ANXA6: variants seen among roughly 807,000 people sequenced by gnomAD.
ANXA6 encodes the protein annexin A6, also known as 67 kDa calelectrin.
In ANXA6, 71 loss-of-function variants were observed where a neutral mutation model predicts 95.4. The observed-to-expected ratio is 0.74, with a 90% CI of 0.61 to 0.91. The LOEUF is 0.91. Among genes scored for constraint, ANXA6 ranks in the 40% least tolerant of loss-of-function variants. The pLI, the probability that ANXA6 is intolerant of heterozygous loss-of-function variation, is 0.00. For synonymous variants in ANXA6, 289 were observed against 315.9 expected (o/e 0.91, Z 0.90); for missense variants, 830 against 876.4 (o/e 0.95, Z 0.67).
chr5:151,110,771 G>A (rs1030669574), intron 20 of ANXA6, 127 bp from the exon 21 acceptor site: 11 of 921,362 alleles, frequency 1.2e-5, no homozygotes, highest in Non-Finnish European at 1.7e-5. Flanking sequence ...GAGGTCCCAA[G>A]AGACCTGAGA....
At position 151,147,887 on chromosome 5, in the gene ANXA6, T is replaced by C; in HGVS notation, c.15A>G (p.Ala5=). 6.2e-7 allele frequency: 1 copy of C among 1,604,262 alleles called. No individual in the cohort carries two copies. The highest frequency in any genetic ancestry group is 8.5e-7 in the Non-Finnish European group (1 of 1,175,402). ...TCAGGAAAGAGAGGCCCCTTACCTG[T>C]GCTGGTTTGGCCATGGTCTCCGGTT... is the stretch of plus-strand genomic sequence containing the variant. The part of the protein sequence containing the change: MAKP[A]QGAKYRGSIH... Residue 5 remains alanine, a synonymous_variant, in exon 2 of 26, where the codon GCA becomes GCG. Coordinates refer to ENST00000354546, the MANE Select transcript of ANXA6 (RefSeq NM_001155.5).
intron 17 of ANXA6, among the ~76,000 whole-genome samples, chr5:151,120,799 G>A (rs145623260): frequency 4.2e-4 from 64 of 152,238 alleles, no homozygotes; most frequent in Non-Finnish European, 3.7e-4. Flanking sequence ...TAATGGTCCT[G>A]CCTTCTCAGA....
intron 7 of ANXA6, among the ~76,000 whole-genome samples, chr5:151,135,413 T>C (rs557696098): frequency 2.0e-5 from 3 of 152,180 alleles, no homozygotes; most frequent in Non-Finnish European, 4.4e-5. Flanking sequence ...AGCTGGTTAA[T>C]ATGGGATTGT....
intron 18 of ANXA6, among the ~76,000 whole-genome samples, chr5:151,118,983 G>A (rs1238539667): frequency 1.3e-5 from 2 of 152,162 alleles, no homozygotes; most frequent in Admixed American, 1.3e-4. Flanking sequence ...CAAGTGTGGG[G>A]CCCTTCTGGC....
chr5:151,145,568 G>GA (rs1490352891), intron 2 of ANXA6, among the ~76,000 whole-genome samples: 4 of 152,106 alleles, frequency 2.6e-5, no homozygotes, highest in African/African-American at 9.7e-5. Context: ...AGGAACTGGG[G>GA]GGTGTCTAGG....
At chr5:151,157,362 G>C (rs934813958) in intron 1 of ANXA6, among the ~76,000 whole-genome samples, 10 of 150,586 alleles carry the variant, frequency 6.6e-5, no homozygotes, top group African/African-American at 2.5e-4. Flanking sequence ...CCCAAATTAA[G>C]GCCGGCAGGA....
chr5:151,137,416 C>T (rs1000732128), intron 5 of ANXA6, 95 bp from the exon 6 acceptor site: 3 of 910,918 alleles, frequency 3.3e-6, no homozygotes, highest in Non-Finnish European at 5.0e-6. Flanking sequence ...TATGACACCC[C>T]AGGACTCAGG....
intron 2 of ANXA6, among the ~76,000 whole-genome samples, chr5:151,142,138 G>C (rs747113584): frequency 6.6e-6 from 1 of 152,188 alleles, no homozygotes; most frequent in Non-Finnish European, 1.5e-5. Flanking sequence ...CCAGTCCAGC[G>C]ATATCAAAAA....
At chr5:151,121,382 A>G (rs1054050383) in intron 17 of ANXA6, among the ~76,000 whole-genome samples, 17 of 152,238 alleles carry the variant, frequency 1.1e-4, no homozygotes, top group Non-Finnish European at 2.5e-4. Flanking sequence ...GAGAGTTACC[A>G]TATGCTCTTT....
In ANXA6 at chr5:151,122,912, C is replaced by A. The variant is rs1485287726; in HGVS notation, c.1233+5G>T. ...TGCACAGAGAGCCCAGGAGGAGGTC[C>A]TTACCCGGCCAAAGTGAGACTTGAA... On this transcript the variant is annotated splice_donor_5th_base_variant and intron_variant, in intron 16 of 25. Transcript: ENST00000354546. The A allele has an allele frequency of 3.1e-6, 5 of 1,613,770 alleles. No homozygotes were observed. Among genetic ancestry groups the A allele is most frequent in the Non-Finnish European group, 4.2e-6 (5 of 1,179,714 alleles).
rs1170898297 is a variant in ANXA6 at position 151,126,445 on chromosome 5, A to T, written c.1013T>A (p.Val338Glu). The T allele has an allele frequency of 8.7e-6, 14 of 1,610,916 alleles. No homozygotes were observed. The highest frequency in any genetic ancestry group is 1.3e-5 in the African/African-American group (1 of 74,828). Residue 338 changes from valine to glutamate, a missense_variant, in exon 14 of 26, where the codon GTG (valine) becomes GAG (glutamate). Val to Glu is a moderately radical substitution (Grantham distance 121). Transcript: ENST00000354546. ...ACTAAGTTCCCACATCTGATAGGCCACCTGCGCTGCCTCCGGGAAGAACTG... is the reference window on the plus strand; with the variant it reads ...ACTAAGTTCCCACATCTGATAGGCCTCCTGCGCTGCCTCCGGGAAGAACTG... ...AGQFFPEAAQ[V>E]AYQMWELSAV...
At position 151,147,875 on chromosome 5, in the gene ANXA6, G is replaced by T. The variant is rs765674026; in HGVS notation, c.18+9C>A. 8 of 1,599,892 alleles carry T rather than the reference G, an allele frequency of 5.0e-6. No homozygotes were observed. Among genetic ancestry groups the T allele is most frequent in the Middle Eastern group, 1.7e-4 (1 of 6,042 alleles). On this transcript the variant is annotated intron_variant, in intron 2 of 25. Transcript: ENST00000354546. ...TGAGTACCACCTTCAGGAAAGAGAG[G>T]CCCCTTACCTGTGCTGGTTTGGCCA...
chr5:151,129,749 T>C (rs1216110357), intron 11 of ANXA6, among the ~76,000 whole-genome samples: 1 of 152,018 alleles, frequency 6.6e-6, no homozygotes, highest in African/African-American at 2.4e-5. Context: ...GTCTCACTCT[T>C]GTCCAGGCTG....
At chr5:151,121,859 C>T (rs575409303) in intron 17 of ANXA6, among the ~76,000 whole-genome samples, 1 of 152,106 alleles carries the variant, frequency 6.6e-6, no homozygotes, top group Non-Finnish European at 1.5e-5. Context: ...ACATATGCCA[C>T]CATGAGGAGA....
chr5:151,121,191 C>G (rs1205936007), intron 17 of ANXA6, among the ~76,000 whole-genome samples: 3 of 152,216 alleles, frequency 2.0e-5, no homozygotes, highest in East Asian at 1.9e-4. Context: ...GTTGTCAAGA[C>G]AGGCTCTAGA....
intron 13 of ANXA6, among the ~76,000 whole-genome samples, chr5:151,126,794 G>A (rs1001811977): frequency 6.6e-6 from 1 of 152,122 alleles, no homozygotes; most frequent in Admixed American, 6.6e-5. Context: ...TCAGCTCACT[G>A]CAACCTCTGC....
At chr5:151,135,238 A>G (rs1395441088) in intron 7 of ANXA6, among the ~76,000 whole-genome samples, 2 of 152,188 alleles carry the variant, frequency 1.3e-5, no homozygotes, top group African/African-American at 4.8e-5. Flanking sequence ...AGAGCTGGCA[A>G]GCTTACAATG....
chr5:151,153,949 C>T (rs563379249), intron 1 of ANXA6, among the ~76,000 whole-genome samples: 58 of 152,250 alleles, frequency 3.8e-4, no homozygotes, highest in African/African-American at 1.1e-3. Flanking sequence ...GCACCCCCTC[C>T]CATAGGGCGT....
rs772865273 is a variant in ANXA6, at chr5:151,123,018, C to A, written c.1139-7G>T. 6.2e-7 allele frequency: 1 copy of A among 1,612,462 alleles called. No individual in the cohort carries two copies. Among genetic ancestry groups the A allele is most frequent in the African/African-American group, 1.3e-5 (1 of 75,038 alleles). ...ATTGTGTCTTCGTCAGTCCCTGAGT[C>A]ACCAAAGCCACATGCCTCAGAAGAA... is the stretch of plus-strand genomic sequence containing the variant. On this transcript the variant is annotated splice_region_variant and splice_polypyrimidine_tract_variant and intron_variant, in intron 15 of 25. Coordinates refer to ENST00000354546, the MANE Select transcript of ANXA6 (RefSeq NM_001155.5).
Sources: gnomAD v4.1 joint callset for allele counts (sites outside exome capture counted in the v4.1 genomes callset) on GRCh38, gnomAD v4.1.1 for gene constraint, MANE v1.5 for transcripts, NCBI Gene and HGNC (gene_info 2026-07-23, HGNC 2026-07-21) for gene names.